The following WDR24 variants were observed in gnomAD, a reference collection of about 807,000 sequenced individuals.
WDR24 encodes the protein WD repeat domain 24, also known as GATOR2 complex protein WDR24.
WDR24 carries 32 observed loss-of-function variants against 66.7 expected under a neutral mutation model. That is an observed-to-expected ratio of 0.48 (90% CI 0.36 to 0.64). WDR24 has a LOEUF of 0.64. Among genes scored for constraint, WDR24 ranks in the 30% least tolerant of loss-of-function variants. WDR24 has a pLI of 0.00. For synonymous variants in WDR24, 565 were observed against 469.1 expected, an observed-to-expected ratio of 1.20 and a Z score of -2.64; for missense variants, 978 against 1,144.1, an observed-to-expected ratio of 0.85 and a Z score of 2.09.
At chr16:687,792 C>A in intron 1 of WDR24, 53 bp from the exon 2 acceptor site, 2 of 1,585,400 alleles carry the variant, frequency 1.3e-6, no homozygotes, top group East Asian at 2.3e-5. Context: ...CCATGAGGTG[C>A]GCCCTCAGAA....
intron 4 of WDR24, 37 bp downstream of exon 4, chr16:686,030 AG>A (rs1242367927): frequency 1.2e-6 from 2 of 1,612,576 alleles, no homozygotes; most frequent in African/African-American, 2.7e-5. Flanking sequence ...GGGCTCGAGC[AG>A]CCCCAGCCCC....
Position 690,229 on chromosome 16 carries a change from G to A in WDR24, c.-589C>T, listed in dbSNP as rs894294881. The A allele has an allele frequency of 5.1e-6, 2 of 394,678 alleles. No homozygotes were observed. Among genetic ancestry groups the A allele is most frequent in the Non-Finnish European group, 1.0e-5 (2 of 197,994 alleles). 24.4% of individuals were successfully genotyped at this position (394,678 alleles called of 1,614,324 possible). On this transcript the variant is annotated 5_prime_UTR_variant, in exon 1 of 9. Transcript: ENST00000293883. ...GTGTCTGGCGGGACCGGAGGCAGGA[G>A]AGAAGCCGGCGACCCCGGAGTACAG... is the stretch of plus-strand genomic sequence containing the variant.
chr16:685,651 A>AC, intron 6 of WDR24, 28 bp downstream of exon 6: 6 of 1,611,954 alleles, frequency 3.7e-6, no homozygotes, highest in Non-Finnish European at 5.1e-6. Context: ...CCGCCTCTGA[A>AC]CCCCACCCTG....
At position 685,272 on chromosome 16, in the gene WDR24, G is replaced by C; in HGVS notation, c.2004C>G (p.Ile668Met). 5 of 1,594,118 alleles carry C rather than the reference G, an allele frequency of 3.1e-6. No homozygotes were observed. The highest frequency in any genetic ancestry group is 4.3e-6 in the Non-Finnish European group (5 of 1,170,226). Reference sequence around the variant, plus strand: ...CACCACACACCTGGGTCTGCTCGTCGATGTCCTTGCGCACCCGTTCACCCA... The same window carrying C: ...CACCACACACCTGGGTCTGCTCGTCCATGTCCTTGCGCACCCGTTCACCCA... ...IVLGERVRKD[I>M]DEQTQEHWYT... Residue 668 changes from isoleucine to methionine, a missense_variant, in exon 7 of 9, where the codon ATC becomes ATG. Ile to Met is a conservative substitution (Grantham distance 10). Around this residue, in one of 2 missense-constraint regions of WDR24, gnomAD observed 676 missense variants for 617.5 expected, o/e 1.09. Transcript: ENST00000293883.
chr16:684,847 A>G lies in WDR24; in HGVS notation c.2260T>C (p.Phe754Leu), dbSNP rs2039865990. ...TGGCTGCAGCCCTGGCACCACACGA[A>G]GAGACCCTTGACTACGTGGTGGCAG... ...AVCHHVVKGL[F>L]VWCQGCSHGG... Residue 754 changes from phenylalanine (F) to leucine (L), a missense_variant, in exon 9 of 9, where the codon TTC (phenylalanine) becomes CTC (leucine). Phe to Leu is a conservative substitution (Grantham distance 22, BLOSUM62 0). This residue lies in a region of WDR24 where 676 missense variants were observed against 617.5 expected (regional missense o/e 1.09). Transcript: ENST00000293883. 1 of 1,538,280 alleles carries G rather than the reference A, an allele frequency of 6.5e-7. No individual in the cohort carries two copies. The highest frequency in any genetic ancestry group is 1.4e-5 in the African/African-American group (1 of 71,816).
At position 686,082 on chromosome 16, in the gene WDR24, G is replaced by C. The variant is rs527480403; in HGVS notation, c.1437C>G (p.Leu479=). ...HSVGKGGSCG[L]PLMNSFNLKD... ...CCGGCATCTACCTGTTCATGAGCGG[G>C]AGGCCACAGGAGCCACCCTTGCCCA... Residue 479 remains leucine (L), a synonymous_variant, in exon 4 of 9, where the codon CTC becomes CTG. Coordinates refer to ENST00000293883, the MANE Select transcript of WDR24 (RefSeq NM_032259.4). The C allele has an allele frequency of 2.5e-6, 4 of 1,613,018 alleles. 1 individual carries two copies. The highest frequency in any genetic ancestry group is 3.3e-5 in the Admixed American group (2 of 60,010).
rs1033958222 is a variant in WDR24, at chr16:689,410, A to G, written c.231T>C (p.Cys77=). ...CCATCTGGTGCCAGACCACGTCAGC[A>G]CAGCTCAGGTTAAGCGAAGGCTTGC... The part of the protein sequence containing the change: ...VGRKPSLNLS[C]ADVVWHQMDE... The change falls in exon 1 of 9, where the codon TGT becomes TGC. Residue 77 remains cysteine (C), a synonymous_variant. Transcript: ENST00000293883. 5.6e-6 allele frequency: 9 copies of G among 1,613,558 alleles called. No individual in the cohort carries two copies. Among genetic ancestry groups the G allele is most frequent in the Non-Finnish European group, 7.6e-6 (9 of 1,180,022 alleles).
At position 687,552 on chromosome 16, in the gene WDR24, C is replaced by A. The variant is rs1381831132; in HGVS notation, c.659+10G>T. 6.2e-7 allele frequency: 1 copy of A among 1,610,580 alleles called. No homozygotes were observed. Among genetic ancestry groups the A allele is most frequent in the African/African-American group, 1.3e-5 (1 of 74,924 alleles). On this transcript the variant is annotated intron_variant, in intron 2 of 8. Coordinates refer to ENST00000293883, the MANE Select transcript of WDR24 (RefSeq NM_032259.4). ...TGTCAACCTACTGCCCCTGCACCCC[C>A]ATGCCACACCTGTCCTCGGGGTGCC...
At chr16:687,793 G>A (rs1018804) in intron 1 of WDR24, 54 bp from the exon 2 acceptor site, 486,472 of 1,579,892 alleles carry the variant, frequency 0.31, 85,171 homozygotes, top group East Asian at 0.74. Context: ...CATGAGGTGC[G>A]CCCTCAGAAC....
At position 686,746 on chromosome 16, in the gene WDR24, G is replaced by A; in HGVS notation, c.1330C>T (p.Gln444Ter). The change falls in exon 3 of 9, where the codon CAG (glutamine) becomes TAG (stop). Residue 444 changes from glutamine to a stop codon, truncating the protein, a stop_gained and splice_region_variant. Transcript: ENST00000293883. LOFTEE classifies it high-confidence loss of function. Reference sequence around the variant, plus strand: ...CCCCAGGCTCAGCACCTACCTACCTGGTTGCGGCCAAGCTCTCGAGCCACC... The same window carrying A: ...CCCCAGGCTCAGCACCTACCTACCTAGTTGCGGCCAAGCTCTCGAGCCACC... ...AKVARELGRN[Q>*]VAQTWTMLRI... The A allele has an allele frequency of 6.3e-7, 1 of 1,593,134 alleles. No individual in the cohort carries two copies. The highest frequency in any genetic ancestry group is 8.6e-7 in the Non-Finnish European group (1 of 1,166,490).
chr16:687,115 T>C lies in WDR24; in HGVS notation c.961A>G (p.Ser321Gly). Residue 321 changes from serine (S) to glycine (G), a missense_variant, in exon 3 of 9, where the codon AGC becomes GGC. Around this residue, in one of 2 missense-constraint regions of WDR24, gnomAD observed 302 missense variants for 526.6 expected, o/e 0.57. Transcript: ENST00000293883. ...PSFLLSGSKD[S>G]SLCQHLFRDA... ...CGGAACAGGTGCTGGCACAGCGAGC[T>C]GTCCTTGGAGCCAGACAGCAGGAAG... 1 of 1,610,854 alleles carries C rather than the reference T, an allele frequency of 6.2e-7. No homozygotes were observed. The highest frequency in any genetic ancestry group is 1.1e-5 in the South Asian group (1 of 91,052).
intron 1 of WDR24, among the ~76,000 whole-genome samples, chr16:688,413 A>T (rs1464411942): frequency 6.6e-6 from 1 of 152,170 alleles, no homozygotes; most frequent in Non-Finnish European, 1.5e-5. Flanking sequence ...CCAACCTCCC[A>T]AGTAGCTAGG....
Position 689,425 on chromosome 16 carries a change from C to A in WDR24, c.216G>T (p.Ser72=). 1 of 1,613,654 alleles carries A rather than the reference C, an allele frequency of 6.2e-7. No homozygotes were observed. Among genetic ancestry groups the A allele is most frequent in the African/African-American group, 1.3e-5 (1 of 75,054 alleles). Residue 72 remains serine, a synonymous_variant, in exon 1 of 9, where the codon TCG becomes TCT. Coordinates refer to ENST00000293883, the MANE Select transcript of WDR24 (RefSeq NM_032259.4). ...CCACGTCAGCACAGCTCAGGTTAAG[C>A]GAAGGCTTGCGCCCCACACGCAGGT... is the stretch of plus-strand genomic sequence containing the variant. ...KLNLRVGRKP[S]LNLSCADVVW... is the part of the protein sequence containing the mutation.
At position 686,969 on chromosome 16, in the gene WDR24, G is replaced by A; in HGVS notation, c.1107C>T (p.Tyr369=). 1.2e-6 allele frequency: 2 copies of A among 1,600,122 alleles called. No individual in the cohort carries two copies. Among genetic ancestry groups the A allele is most frequent in the South Asian group, 1.1e-5 (1 of 90,162 alleles). ...AGATGGGGTGGCGCCGGTCGCCAGTGTAGGGCTTGCGCCCCGACTCGGCAG... is the reference window on the plus strand; with the variant it reads ...AGATGGGGTGGCGCCGGTCGCCAGTATAGGGCTTGCGCCCCGACTCGGCAG... ...LVAAESGRKP[Y]TGDRRHPIFF... Residue 369 remains tyrosine, a synonymous_variant, in exon 3 of 9, where the codon TAC becomes TAT. Coordinates refer to ENST00000293883, the MANE Select transcript of WDR24 (RefSeq NM_032259.4).
intron 1 of WDR24, 153 bp downstream of exon 1, chr16:689,007 C>T: frequency 2.3e-6 from 3 of 1,281,304 alleles, no homozygotes; most frequent in East Asian, 2.5e-5. Flanking sequence ...CAACTTGCCC[C>T]ATCCCTCCCC....
At position 689,914 on chromosome 16, in the gene WDR24, T is replaced by A. The variant is rs189158640; in HGVS notation, c.-274A>T. ...CTAGCTTCCCTTAGGCCTGTCAGTTTCATGTCTGACTTCCACGGAAGACTC... is the reference window on the plus strand; with the variant it reads ...CTAGCTTCCCTTAGGCCTGTCAGTTACATGTCTGACTTCCACGGAAGACTC... On this transcript the variant is annotated 5_prime_UTR_variant, in exon 1 of 9. The change abolishes the stop of an existing upstream ORF in the 5' untranslated region. Transcript: ENST00000293883. The A allele has an allele frequency of 2.2e-4, 148 of 665,890 alleles. No homozygotes were observed. Among genetic ancestry groups the A allele is most frequent in the African/African-American group, 2.1e-3 (120 of 56,634 alleles). 41.2% of individuals were successfully genotyped at this position (665,890 alleles called of 1,614,324 possible).
In WDR24 at chr16:684,708, C is replaced by T; in HGVS notation, c.*26G>A. 1 of 1,558,560 alleles carries T rather than the reference C, an allele frequency of 6.4e-7. No individual in the cohort carries two copies. The highest frequency in any genetic ancestry group is 8.7e-7 in the Non-Finnish European group (1 of 1,152,748). On this transcript the variant is annotated 3_prime_UTR_variant, in exon 9 of 9. Transcript: ENST00000293883. ...CCAGGCGGGGTTCTGCACGCGGCCG[C>T]CCGGGCAAGCCCAGCAGATGCCCCG...
In WDR24 at chr16:689,203, C is replaced by T. The variant is rs550459514; in HGVS notation, c.438G>A (p.Lys146=). The T allele has an allele frequency of 7.3e-5, 118 of 1,613,848 alleles. 1 individual carries two copies. The South Asian group carries it at 1.2e-3, about 16-fold the overall frequency. Residue 146 remains lysine (K), a synonymous_variant, in exon 1 of 9, where the codon AAG becomes AAA. Coordinates refer to ENST00000293883, the MANE Select transcript of WDR24 (RefSeq NM_032259.4). Reference sequence around the variant, plus strand: ...AGTCCTTTCTGCGGAGGTCAAAGCACTTCATGAAGCCATCCTGGGAGCCAC... The same window carrying T: ...AGTCCTTTCTGCGGAGGTCAAAGCATTTCATGAAGCCATCCTGGGAGCCAC... ...LLSGSQDGFM[K]CFDLRRKDSV...
intron 1 of WDR24, 37 bp from the exon 2 acceptor site, chr16:687,776 G>A (rs1330570636): frequency 1.0e-5 from 16 of 1,600,628 alleles, no homozygotes; most frequent in African/African-American, 2.7e-5. Flanking sequence ...AAGTGACGGG[G>A]CTGGCCCATG....
Sources: gnomAD v4.1 joint callset for allele counts (sites outside exome capture counted in the v4.1 genomes callset) on GRCh38, gnomAD v4.1.1 for gene constraint, gnomAD v4.1.1 regional missense constraint, MANE v1.5 for transcripts, NCBI Gene and HGNC (gene_info 2026-07-23, HGNC 2026-07-21) for gene names.